Variants in CNTN5 observed in about 807,000 individuals in gnomAD.
CNTN5 encodes contactin 5.
In CNTN5, 77 loss-of-function variants were observed where a neutral mutation model predicts 129.1. The ratio of observed to expected loss-of-function variants is 0.60; its 90% confidence interval spans 0.50 to 0.72. The LOEUF is 0.72. CNTN5 is among the 30% of genes least tolerant of loss of function. The probability of loss-of-function intolerance (pLI) is 0.00; values close to 1 mark genes in which losing one functional copy is unlikely to be tolerated. For synonymous variants in CNTN5, 509 were observed against 465.6 expected (o/e 1.09, Z -1.20); for missense variants, 1,478 against 1,328.8 (o/e 1.11, Z -1.75).
At chr11:99,948,383 C>T (rs191504520) in intron 7 of CNTN5, among the ~76,000 whole-genome samples, 3 of 152,290 alleles carry the variant, frequency 2.0e-5, no homozygotes, top group Admixed American at 2.0e-4. Flanking sequence ...ATGGTTAAGA[C>T]TTGCATGGCA....
intron 1 of CNTN5, among the ~76,000 whole-genome samples, chr11:99,117,465 T>A (rs1252785964): frequency 6.6e-6 from 1 of 152,172 alleles, no homozygotes; most frequent in Non-Finnish European, 1.5e-5. Flanking sequence ...ATATACTACG[T>A]ATTTTTGAGT....
intron 2 of CNTN5, among the ~76,000 whole-genome samples, chr11:99,490,437 G>C (rs1480263088): frequency 6.6e-6 from 1 of 152,112 alleles, no homozygotes; most frequent in Non-Finnish European, 1.5e-5. Context: ...ATTTAGTGGA[G>C]AATACCAGTG....
chr11:99,261,100 T>C (rs1210094296), intron 1 of CNTN5, among the ~76,000 whole-genome samples: 1 of 151,910 alleles, frequency 6.6e-6, no homozygotes, highest in African/African-American at 2.4e-5. Context: ...GTAAAAAAAA[T>C]GCAGTCCTAA....
chr11:99,897,827 C>A (rs1033782480), intron 6 of CNTN5, among the ~76,000 whole-genome samples: 36 of 152,120 alleles, frequency 2.4e-4, no homozygotes, highest in African/African-American at 7.7e-4. Context: ...GACCTACATA[C>A]CCCACTTAAA....
chr11:99,839,594 A>C (rs1048717571), intron 4 of CNTN5, among the ~76,000 whole-genome samples: 1 of 152,138 alleles, frequency 6.6e-6, no homozygotes, highest in Admixed American at 6.6e-5. Flanking sequence ...CAGACATATA[A>C]CATCTATGCA....
chr11:99,351,347 T>A (rs962137667), intron 2 of CNTN5, among the ~76,000 whole-genome samples: 2 of 152,218 alleles, frequency 1.3e-5, no homozygotes, highest in African/African-American at 4.8e-5. Flanking sequence ...ACACTAATGC[T>A]TACAGAGTCT....
At chr11:100,316,967 G>T (rs1215130382) in intron 21 of CNTN5, among the ~76,000 whole-genome samples, 1 of 152,148 alleles carries the variant, frequency 6.6e-6, no homozygotes, top group Non-Finnish European at 1.5e-5. Flanking sequence ...GGCACCTCTA[G>T]CAACTTCTTT....
intron 3 of CNTN5, among the ~76,000 whole-genome samples, chr11:99,810,561 A>C (rs1285929472): frequency 6.6e-6 from 1 of 152,168 alleles, no homozygotes; most frequent in African/African-American, 2.4e-5. Context: ...TGAGACATAG[A>C]GTACATCTGA....
At chr11:100,002,359 TA>T (rs199636213) in intron 9 of CNTN5, among the ~76,000 whole-genome samples, 1,867 of 152,164 alleles carry the variant, frequency 0.012, 44 homozygotes, top group African/African-American at 0.043. Context: ...TATTTTAACA[TA>T]AAAAAACTTC....
intron 3 of CNTN5, among the ~76,000 whole-genome samples, chr11:99,681,740 A>G (rs950573278): frequency 6.6e-6 from 1 of 152,054 alleles, no homozygotes; most frequent in African/African-American, 2.4e-5. Flanking sequence ...TTCATTTATA[A>G]TTTAATAAAG....
intron 3 of CNTN5, among the ~76,000 whole-genome samples, chr11:99,579,324 G>A (rs1949485509): frequency 6.6e-6 from 1 of 150,720 alleles, no homozygotes; most frequent in Non-Finnish European, 1.5e-5. Context: ...CTCTTTTTTG[G>A]TTCCATATGA....
At chr11:99,470,082 C>A (rs576115175) in intron 2 of CNTN5, among the ~76,000 whole-genome samples, 1 of 152,258 alleles carries the variant, frequency 6.6e-6, no homozygotes, top group African/African-American at 2.4e-5. Context: ...CCTGGGCAGG[C>A]TACGTGATAG....
chr11:99,922,264 A>G lies in CNTN5; in HGVS notation c.673+6115A>G, dbSNP rs576851973. Among the ~76,000 whole-genome samples the G allele has an allele frequency of 3.9e-5, 6 of 152,254 alleles. No homozygotes were observed. In the East Asian group the frequency reaches 1.2e-3, roughly 29 times the overall value. ...ACTTATTCACCATCATGAGAACACA[A>G]TGGGAAAAATTCACCCCCATGATTC... is the stretch of plus-strand genomic sequence containing the variant. On this transcript the variant is annotated intron_variant, in intron 7 of 24. Transcript: ENST00000524871.
chr11:99,917,262 A>G (rs545880121), intron 7 of CNTN5, among the ~76,000 whole-genome samples: 1 of 152,226 alleles, frequency 6.6e-6, no homozygotes, highest in African/African-American at 2.4e-5. Flanking sequence ...CAATTCCTGT[A>G]CACCAGTCCA....
chr11:99,128,827 A>T (rs80285053), intron 1 of CNTN5, among the ~76,000 whole-genome samples: 5 of 152,074 alleles, frequency 3.3e-5, no homozygotes, highest in African/African-American at 9.7e-5. Context: ...GGTGAACAGG[A>T]TCTGGAGTAG....
Position 100,220,138 on chromosome 11 carries a change from G to A in CNTN5, c.1885-4554G>A, listed in dbSNP as rs766754090. 9.9e-5 allele frequency among the ~76,000 whole-genome samples: 15 copies of A among 152,004 alleles called. 1 individual carries two copies. The highest frequency in any genetic ancestry group is 1.5e-4 in the Non-Finnish European group (10 of 67,998). ...TAAAAATACAAAAAATTAGCCGGGC[G>A]TGGTGGCAGGCACCTGTGGTCCCAG... On this transcript the variant is annotated intron_variant, in intron 15 of 24. Transcript: ENST00000524871.
intron 1 of CNTN5, among the ~76,000 whole-genome samples, chr11:99,240,767 AAACT>A (rs1861506832): frequency 6.6e-6 from 1 of 152,214 alleles, no homozygotes; most frequent in Non-Finnish European, 1.5e-5. Context: ...ACAAACAAAC[AAACT>A]GATAAAAGAA....
intron 3 of CNTN5, among the ~76,000 whole-genome samples, chr11:99,798,696 G>A (rs1206393593): frequency 6.6e-6 from 1 of 152,104 alleles, no homozygotes; most frequent in Non-Finnish European, 1.5e-5. Flanking sequence ...GTCAGGTATT[G>A]TGGTGCCTCC....
chr11:100,239,922 G>A (rs933351066), intron 16 of CNTN5, among the ~76,000 whole-genome samples: 11 of 152,162 alleles, frequency 7.2e-5, no homozygotes, highest in Non-Finnish European at 1.3e-4. Context: ...TATATGTTTT[G>A]CTCAAGAGGT....
Sources: allele counts gnomAD v4.1 joint callset (sites outside exome capture counted in the v4.1 genomes callset), GRCh38; gene constraint gnomAD v4.1.1; transcripts MANE v1.5; gene names NCBI Gene and HGNC (gene_info 2026-07-23, HGNC 2026-07-21).